The following DGKI variants were observed in gnomAD, a reference collection of about 807,000 sequenced individuals.
DGKI encodes the protein diacylglycerol kinase iota.
In DGKI, 55 loss-of-function variants were observed where a neutral mutation model predicts 147.5. That is an observed-to-expected ratio of 0.37 (90% confidence interval 0.30 to 0.47). The LOEUF (loss-of-function observed/expected upper bound fraction) is 0.47, where lower values mean the gene tolerates loss of function less well. Among genes scored for constraint, DGKI ranks in the 20% least tolerant of loss-of-function variants. The probability of loss-of-function intolerance (pLI) is 1.00; values close to 1 mark genes in which losing one functional copy is unlikely to be tolerated. For missense variants in DGKI, 1,007 were observed against 1,323.8 expected (o/e 0.76, Z 3.71); for synonymous variants, 469 against 477.1 (o/e 0.98, Z 0.22).
chr7:137,806,317 A>G (rs1436700484), intron 1 of DGKI, among the ~76,000 whole-genome samples: 7 of 152,264 alleles, frequency 4.6e-5, no homozygotes, highest in Admixed American at 4.6e-4. Flanking sequence ...TTAGTGAGGT[A>G]ACCAGCCCAA....
chr7:137,766,232 C>A (rs954853066), intron 1 of DGKI, among the ~76,000 whole-genome samples: 1 of 152,144 alleles, frequency 6.6e-6, no homozygotes, highest in Non-Finnish European at 1.5e-5. Flanking sequence ...GATCCTCCAG[C>A]CTAACAGGAA....
rs867263384 is a variant in DGKI, at chr7:137,381,296, C to T, written c.*9924G>A. ...CTTCCCTTTCCCATCCCACCCCCCC[C>T]CCCCCACCCACCCTCCCTCCACTTC... On this transcript the variant is annotated 3_prime_UTR_variant, in exon 33 of 33. Transcript: ENST00000614521. 1 of 98,916 alleles carries T rather than the reference C, an allele frequency of 1.0e-5. No individual in the cohort carries two copies. The highest frequency in any genetic ancestry group is 3.8e-4 in the East Asian group (1 of 2,644). 6.1% of individuals were successfully genotyped at this position (98,916 alleles called of 1,614,324 possible).
At chr7:137,543,941 T>C (rs1817784514) in intron 20 of DGKI, among the ~76,000 whole-genome samples, 1 of 152,194 alleles carries the variant, frequency 6.6e-6, no homozygotes, top group Admixed American at 6.5e-5. Flanking sequence ...TAAAATAATA[T>C]CCTGATTTAA....
chr7:137,414,536 T>TAA (rs60810063), intron 28 of DGKI, among the ~76,000 whole-genome samples: 4 of 146,236 alleles, frequency 2.7e-5, no homozygotes, highest in African/African-American at 1.0e-4. Flanking sequence ...GTGTTATGTG[T>TAA]AAAAAAAAAA....
intron 1 of DGKI, among the ~76,000 whole-genome samples, chr7:137,731,450 A>T (rs1794881276): frequency 6.6e-6 from 1 of 152,264 alleles, no homozygotes; most frequent in Non-Finnish European, 1.5e-5. Flanking sequence ...TGCTTGCCAC[A>T]TAGCACAGAT....
intron 21 of DGKI, among the ~76,000 whole-genome samples, chr7:137,508,219 C>CTTTTTTTT (rs1171968411): frequency 2.2e-5 from 2 of 92,532 alleles, no homozygotes; most frequent in African/African-American, 4.4e-5. Context: ...AGACAGGTTT[C>CTTTTTTTT]TTTTTTTTTT....
At chr7:137,569,037 C>T (rs907994278) in intron 19 of DGKI, among the ~76,000 whole-genome samples, 4 of 152,002 alleles carry the variant, frequency 2.6e-5, no homozygotes, top group African/African-American at 4.8e-5. Flanking sequence ...AGAGAGCACA[C>T]GTGCAATGGC....
chr7:137,722,797 C>T lies in DGKI; in HGVS notation c.402-32795G>A, dbSNP rs559568173. On this transcript the variant is annotated intron_variant, in intron 1 of 32. Coordinates refer to ENST00000614521, the MANE Select transcript of DGKI (RefSeq NM_001321708.2). ...AGCTATTCCTCAGCTCCAGGGCTAC[C>T]TGTGATCTGTGGTTGCCCTGACGAA... 1.9e-5 allele frequency: 25 copies of T among 1,322,112 alleles called. No individual in the cohort carries two copies. In the South Asian group the frequency reaches 2.8e-4, roughly 15 times the overall value. 81.9% of individuals were successfully genotyped at this position (1,322,112 alleles called of 1,614,324 possible).
intron 1 of DGKI, among the ~76,000 whole-genome samples, chr7:137,699,414 C>T (rs2116502816): frequency 1.3e-5 from 2 of 152,342 alleles, no homozygotes; most frequent in Admixed American, 1.3e-4. Flanking sequence ...ATGGAAATGC[C>T]TCCTTTGTCT....
intron 23 of DGKI, among the ~76,000 whole-genome samples, chr7:137,481,340 AT>A (rs1815365619): frequency 1.3e-5 from 2 of 152,156 alleles, no homozygotes; most frequent in Non-Finnish European, 2.9e-5. Context: ...AGAAGGAATT[AT>A]CTCAAAGTAG....
chr7:137,536,891 C>G (rs1817538075), intron 20 of DGKI, among the ~76,000 whole-genome samples: 1 of 151,590 alleles, frequency 6.6e-6, no homozygotes, highest in Non-Finnish European at 1.5e-5. Context: ...GGGAGAAATT[C>G]ATTTAAAAAA....
chr7:137,761,276 T>C (rs1795847963), intron 1 of DGKI, among the ~76,000 whole-genome samples: 1 of 152,200 alleles, frequency 6.6e-6, no homozygotes, highest in Non-Finnish European at 1.5e-5. Flanking sequence ...ATTGTGGTGG[T>C]CAACACACAG....
intron 1 of DGKI, chr7:137,722,423 C>T (rs1794591443): frequency 3.7e-6 from 6 of 1,611,928 alleles, no homozygotes; most frequent in Non-Finnish European, 4.2e-6. Flanking sequence ...AGCATTACCC[C>T]CGGGACCATT....
intron 1 of DGKI, among the ~76,000 whole-genome samples, chr7:137,714,882 C>T (rs1002658507): frequency 2.0e-5 from 3 of 152,166 alleles, no homozygotes; most frequent in African/African-American, 4.8e-5. Flanking sequence ...TGTGGTCTTT[C>T]CACCAGGAAA....
At chr7:137,660,642 C>T (rs994911845) in intron 3 of DGKI, among the ~76,000 whole-genome samples, 1 of 152,202 alleles carries the variant, frequency 6.6e-6, no homozygotes, top group Non-Finnish European at 1.5e-5. Context: ...TCCTATCCCA[C>T]CCAACTACCT....
intron 20 of DGKI, among the ~76,000 whole-genome samples, chr7:137,550,167 G>GTTT (rs71533756): frequency 0.033 from 4,611 of 137,950 alleles, 118 homozygotes; most frequent in Middle Eastern, 0.076. Flanking sequence ...TGTTGTTTGA[G>GTTT]TTTTTTTTTT....
intron 21 of DGKI, among the ~76,000 whole-genome samples, chr7:137,488,831 C>CA (rs879539903): frequency 2.0e-5 from 3 of 151,814 alleles, no homozygotes; most frequent in African/African-American, 4.8e-5. Flanking sequence ...TATATATAAA[C>CA]AAAAAAATGA....
At chr7:137,599,766 GA>G in intron 11 of DGKI, 56 bp downstream of exon 11, 1 of 1,525,042 alleles carries the variant, frequency 6.6e-7, no homozygotes, top group African/African-American at 1.4e-5. Context: ...TAATGAAGCA[GA>G]AAATTCTCAC....
At chr7:137,719,588 G>A (rs539251338) in intron 1 of DGKI, among the ~76,000 whole-genome samples, 66 of 152,174 alleles carry the variant, frequency 4.3e-4, no homozygotes, top group Admixed American at 1.1e-3. Context: ...TCAGCACCAC[G>A]CTGCCCAAAC....
Sources: allele counts gnomAD v4.1 joint callset (sites outside exome capture counted in the v4.1 genomes callset), GRCh38; gene constraint gnomAD v4.1.1; transcripts MANE v1.5; gene names NCBI Gene and HGNC (gene_info 2026-07-23, HGNC 2026-07-21).